The following GLDC variants were observed in gnomAD, a reference collection of about 807,000 sequenced individuals.
The protein encoded by GLDC is glycine dehydrogenase (decarboxylating), mitochondrial.
A neutral mutation model predicts 121.3 loss-of-function variants in GLDC; 104 were observed. That is an observed-to-expected ratio of 0.86 (90% CI 0.73 to 1.01). GLDC has a LOEUF of 1.01. Ranked by LOEUF, GLDC falls within the 50% of genes least tolerant of loss-of-function variation. The pLI is 0.00. For missense variants in GLDC, 1,429 were observed against 1,306.6 expected, an observed-to-expected ratio of 1.09 and a Z score of -1.44; for synonymous variants, 546 against 480.6, an observed-to-expected ratio of 1.14 and a Z score of -1.78.
At chr9:6,562,600 C>T (rs2129748984) in intron 16 of GLDC, among the ~76,000 whole-genome samples, 1 of 152,244 alleles carries the variant, frequency 6.6e-6, no homozygotes, top group African/African-American at 2.4e-5. Flanking sequence ...TGCTCTGTTG[C>T]CCAGGCTGGA....
rs1362370394 is a variant in GLDC, at chr9:6,588,586, T to C, written c.1665+32A>G. On this transcript the variant is annotated intron_variant, in intron 13 of 24. Transcript: ENST00000321612. Reference sequence around the variant, plus strand: ...CAAGAGACGTGGGATTGGGGTAGCTTGGAAATGAGAAAAAAGGCCACAAAT... The same window carrying C: ...CAAGAGACGTGGGATTGGGGTAGCTCGGAAATGAGAAAAAAGGCCACAAAT... The C allele has an allele frequency of 3.9e-6, 6 of 1,551,374 alleles. 1 individual carries two copies. In the East Asian group the frequency reaches 9.0e-5, roughly 23 times the overall value.
At chr9:6,587,537 G>C (rs905672648) in intron 14 of GLDC, among the ~76,000 whole-genome samples, 1 of 152,110 alleles carries the variant, frequency 6.6e-6, no homozygotes, top group Non-Finnish European at 1.5e-5. Flanking sequence ...AACTTTTCAG[G>C]GAAGAAAAGC....
At chr9:6,622,860 T>A (rs1043939231) in intron 2 of GLDC, 2 of 202,996 alleles carry the variant, frequency 9.9e-6, no homozygotes, top group Non-Finnish European at 2.0e-5. Context: ...CGGCCGCCCA[T>A]CGTCTGAGAT....
intron 3 of GLDC, among the ~76,000 whole-genome samples, chr9:6,613,493 T>A (rs1231933777): frequency 6.6e-6 from 1 of 152,166 alleles, no homozygotes; most frequent in African/African-American, 2.4e-5. Flanking sequence ...GTATCTTAAC[T>A]TTTTTCAGTT....
intron 11 of GLDC, among the ~76,000 whole-genome samples, chr9:6,591,674 T>C (rs1276954215): frequency 6.6e-6 from 1 of 152,148 alleles, no homozygotes; most frequent in East Asian, 1.9e-4. Context: ...AACCGCCGCC[T>C]CCTGGGTTGA....
At chr9:6,603,000 G>T (rs1412678487) in intron 7 of GLDC, among the ~76,000 whole-genome samples, 2 of 152,014 alleles carry the variant, frequency 1.3e-5, no homozygotes, top group Non-Finnish European at 2.9e-5. Context: ...GGCCAAGGTG[G>T]GCGGATCACC....
chr9:6,570,334 C>A (rs1817935557), intron 15 of GLDC, among the ~76,000 whole-genome samples: 1 of 152,016 alleles, frequency 6.6e-6, no homozygotes, highest in Non-Finnish European at 1.5e-5. Flanking sequence ...ATTATAGTAC[C>A]AAGAAATTAA....
At chr9:6,570,696 A>G (rs890271112) in intron 15 of GLDC, among the ~76,000 whole-genome samples, 1 of 152,104 alleles carries the variant, frequency 6.6e-6, no homozygotes, top group African/African-American at 2.4e-5. Context: ...TCTACTAAAA[A>G]TACAAAAATT....
chr9:6,563,509 G>C lies in GLDC; in HGVS notation c.1926+1845C>G, dbSNP rs533947016. Among the ~76,000 whole-genome samples the C allele has an allele frequency of 1.2e-4, 19 of 152,240 alleles. No homozygotes were observed. The South Asian group carries it at 3.9e-3, about 32-fold the overall frequency. ...ACTAATGAAGAGGAACTCCAGAGAC[G>C]ACCTCAGAACATGGAAGCCATGAGG... On this transcript the variant is annotated intron_variant, in intron 16 of 24. Coordinates refer to ENST00000321612, the MANE Select transcript of GLDC (RefSeq NM_000170.3).
rs893326552 is a variant in GLDC at position 6,564,896 on chromosome 9, T to C, written c.1926+458A>G. Among the ~76,000 whole-genome samples the C allele has an allele frequency of 4.6e-5, 7 of 152,340 alleles. No homozygotes were observed. The South Asian group carries it at 1.4e-3, about 32-fold the overall frequency. ...GTGCTTGAAGTTGAGAATCATCTAATGGAGAATTTATTTATTCAACAAATA... is the reference window on the plus strand; with the variant it reads ...GTGCTTGAAGTTGAGAATCATCTAACGGAGAATTTATTTATTCAACAAATA... On this transcript the variant is annotated intron_variant, in intron 16 of 24. Coordinates refer to ENST00000321612, the MANE Select transcript of GLDC (RefSeq NM_000170.3).
At chr9:6,536,029 G>A in intron 23 of GLDC, 35 bp downstream of exon 23, 1 of 1,577,914 alleles carries the variant, frequency 6.3e-7, no homozygotes, top group Non-Finnish European at 8.7e-7. Flanking sequence ...TCTAGTTTAA[G>A]GAACATTTCA....
intron 2 of GLDC, among the ~76,000 whole-genome samples, chr9:6,622,273 C>T (rs1375407242): frequency 1.3e-5 from 2 of 152,010 alleles, no homozygotes; most frequent in African/African-American, 4.8e-5. Flanking sequence ...CCACGGTCTC[C>T]CTCTCCCTCT....
At chr9:6,621,823 G>C (rs900856447) in intron 2 of GLDC, among the ~76,000 whole-genome samples, 1 of 152,012 alleles carries the variant, frequency 6.6e-6, no homozygotes, top group Admixed American at 6.6e-5. Flanking sequence ...GCCACTGAAG[G>C]GTACTTTTTA....
chr9:6,588,394 T>C lies in GLDC; in HGVS notation c.1707+7A>G, dbSNP rs1235315259. 4 of 1,605,852 alleles carry C rather than the reference T, an allele frequency of 2.5e-6. No individual in the cohort carries two copies. The highest frequency in any genetic ancestry group is 2.6e-6 in the Non-Finnish European group (3 of 1,172,484). On this transcript the variant is annotated splice_region_variant and intron_variant, in intron 14 of 24. Coordinates refer to ENST00000321612, the MANE Select transcript of GLDC (RefSeq NM_000170.3). ...TGAGTATCCACTTACAGAAGTGAGCTACTTACTGCGAGTTCAGACGAACTG... is the reference window on the plus strand; with the variant it reads ...TGAGTATCCACTTACAGAAGTGAGCCACTTACTGCGAGTTCAGACGAACTG...
chr9:6,547,792 CA>C (rs953263355), intron 21 of GLDC, among the ~76,000 whole-genome samples: 3 of 152,082 alleles, frequency 2.0e-5, no homozygotes, highest in African/African-American at 4.8e-5. Flanking sequence ...TATTTAGTGA[CA>C]GGGGAAAATG....
chr9:6,631,321 C>T (rs778944180), intron 2 of GLDC, among the ~76,000 whole-genome samples: 1 of 152,176 alleles, frequency 6.6e-6, no homozygotes, highest in Non-Finnish European at 1.5e-5. Flanking sequence ...CCCTTGTCTC[C>T]GTATGAGTGA....
chr9:6,589,540 A>C (rs1818336670), intron 11 of GLDC, among the ~76,000 whole-genome samples: 1 of 151,964 alleles, frequency 6.6e-6, no homozygotes, highest in Non-Finnish European at 1.5e-5. Context: ...CAATCCTCCT[A>C]CCTCAGTCTC....
chr9:6,632,130 C>T lies in GLDC; in HGVS notation c.335-11811G>A, dbSNP rs143678090. Among the ~76,000 whole-genome samples the T allele has an allele frequency of 7.9e-5, 12 of 152,296 alleles. No individual in the cohort carries two copies. In the East Asian group the frequency reaches 1.9e-3, roughly 24 times the overall value. ...AATCACACCAAGTAAATTGTAATCT[C>T]TTATAGTAAATGCTCAGAAAATACA... On this transcript the variant is annotated intron_variant, in intron 2 of 24. Transcript: ENST00000321612.
chr9:6,534,365 A>T (rs1161103310), intron 24 of GLDC, among the ~76,000 whole-genome samples: 1 of 152,034 alleles, frequency 6.6e-6, no homozygotes, highest in East Asian at 1.9e-4. Flanking sequence ...AACAGACTAC[A>T]CAGAACCTTC....
Sources: gnomAD v4.1 joint callset for allele counts (sites outside exome capture counted in the v4.1 genomes callset) on GRCh38, gnomAD v4.1.1 for gene constraint, MANE v1.5 for transcripts, NCBI Gene and HGNC (gene_info 2026-07-23, HGNC 2026-07-21) for gene names.